ADAMTS18: variants seen among roughly 807,000 people sequenced by gnomAD.
ADAMTS18 encodes A disintegrin and metalloproteinase with thrombospondin motifs 18.
Under a neutral mutation model 165.9 loss-of-function variants are expected in ADAMTS18, and 157 were observed. The ratio of observed to expected loss-of-function variants is 0.95; its 90% CI spans 0.83 to 1.08. The LOEUF (loss-of-function observed/expected upper bound fraction) is 1.08. Ranked by LOEUF, ADAMTS18 falls within the 50% of genes least tolerant of loss-of-function variation. ADAMTS18 has a pLI of 0.00. For synonymous variants in ADAMTS18, 782 were observed against 578.2 expected (o/e 1.35, Z -5.06); for missense variants, 2,040 against 1,534.0 (o/e 1.33, Z -5.51).
Position 77,434,861 on chromosome 16 carries a change from C to A in ADAMTS18, c.-166G>T. The A allele has an allele frequency of 2.0e-6, 1 of 493,740 alleles. No individual in the cohort carries two copies. 30.6% of individuals were successfully genotyped at this position (493,740 alleles called of 1,614,324 possible). A position where few individuals can be genotyped will look rare whatever the true frequency, so the allele number is the denominator to read the frequency against. On this transcript the variant is annotated 5_prime_UTR_variant, in exon 1 of 23. In the 5' UTR this introduces an upstream ATG that the reference lacks. Transcript: ENST00000282849. ...CGGGGGCGCGCTGGGACCTCCCCTC[C>A]TCCGGCCGCCTGCGCGCCCTCCCTT...
rs776221154 is a variant in ADAMTS18, at chr16:77,300,377, T to A, written c.2560A>T (p.Ile854Leu). The A allele has an allele frequency of 1.2e-6, 2 of 1,613,948 alleles. No individual in the cohort carries two copies. Among genetic ancestry groups the A allele is most frequent in the African/African-American group, 1.3e-5 (1 of 74,898 alleles). ...EILMQGKNPG[I>L]AWKYALPKVM... ...TTGGGAAGTGCATACTTCCAAGCTA[T>A]CCCTGGATTTTTGCCTTGCATCAGA... Residue 854 changes from isoleucine to leucine, a missense_variant, in exon 17 of 23, where the codon ATA becomes TTA. Coordinates refer to ENST00000282849, the MANE Select transcript of ADAMTS18 (RefSeq NM_199355.4).
chr16:77,376,222 C>G (rs1398202662), intron 3 of ADAMTS18, among the ~76,000 whole-genome samples: 1 of 152,098 alleles, frequency 6.6e-6, no homozygotes, highest in Non-Finnish European at 1.5e-5. Flanking sequence ...TCTTACATGG[C>G]TGGAGCAGAA....
intron 3 of ADAMTS18, among the ~76,000 whole-genome samples, chr16:77,404,562 A>C (rs2057371017): frequency 6.6e-6 from 1 of 152,216 alleles, no homozygotes; most frequent in African/African-American, 2.4e-5. Flanking sequence ...AATAAGAGCA[A>C]ACATAATTTG....
At chr16:77,379,129 G>A (rs1027547895) in intron 3 of ADAMTS18, 3 of 152,234 alleles carry the variant, frequency 2.0e-5, no homozygotes, top group African/African-American at 7.2e-5. Context: ...TTTTGGTGGG[G>A]ATGGGAAAGA....
At chr16:77,326,304 C>A (rs1341254492) in intron 12 of ADAMTS18, among the ~76,000 whole-genome samples, 1 of 152,182 alleles carries the variant, frequency 6.6e-6, no homozygotes, top group Non-Finnish European at 1.5e-5. Context: ...CATGCTAAAT[C>A]AAATTTATTT....
In ADAMTS18 at chr16:77,291,403, T is replaced by G. The variant is rs376810412; in HGVS notation, c.3265A>C (p.Ile1089Leu). Residue 1089 changes from isoleucine to leucine, a missense_variant, in exon 21 of 23, where the codon ATA becomes CTA. Physicochemically the swap from Ile to Leu is conservative, Grantham distance 5. Transcript: ENST00000282849. ...CSEKGFQGKL[I>L]TFPERRCRNI... ...CGGCATCTTCGCTCTGGGAAAGTTA[T>G]CAGCTTTCCCTGGAAGCCCTTCTCG... is the stretch of plus-strand genomic sequence containing the variant. 2.8e-5 allele frequency: 46 copies of G among 1,614,086 alleles called. No individual in the cohort carries two copies. In the Admixed American group the frequency reaches 5.2e-4, roughly 18 times the overall value.
At chr16:77,395,300 A>C (rs972825986) in intron 3 of ADAMTS18, among the ~76,000 whole-genome samples, 2 of 152,144 alleles carry the variant, frequency 1.3e-5, no homozygotes, top group South Asian at 4.1e-4. Flanking sequence ...GGTCCTTAGG[A>C]CTGGCCTCTG....
intron 16 of ADAMTS18, among the ~76,000 whole-genome samples, chr16:77,308,412 G>C (rs758258997): frequency 1.3e-5 from 2 of 151,932 alleles, no homozygotes; most frequent in Non-Finnish European, 2.9e-5. Context: ...ATTCATTGTT[G>C]TGTGTGTGTA....
At chr16:77,319,456 T>G (rs1041662192) in intron 16 of ADAMTS18, among the ~76,000 whole-genome samples, 2 of 152,206 alleles carry the variant, frequency 1.3e-5, no homozygotes, top group Non-Finnish European at 2.9e-5. Flanking sequence ...GTTGTTGTTG[T>G]TGTTTTGAAA....
chr16:77,289,160 A>G (rs977390888), intron 22 of ADAMTS18, 104 bp downstream of exon 22: 34 of 1,443,466 alleles, frequency 2.4e-5, no homozygotes, highest in Non-Finnish European at 1.9e-6. Flanking sequence ...TGAATGGCTT[A>G]CCCTAGAGTT....
rs372400136 is a variant in ADAMTS18 at position 77,431,321 on chromosome 16, C to T, written c.469G>A (p.Val157Ile). Residue 157 changes from valine to isoleucine, a missense_variant, in exon 3 of 23, where the codon GTC (valine) becomes ATC (isoleucine). By Grantham distance (29) the Val-to-Ile change is conservative (BLOSUM62 3). Coordinates refer to ENST00000282849, the MANE Select transcript of ADAMTS18 (RefSeq NM_199355.4). ...AAGCCAGCACACGTAGACACAGCGA[C>T]AGAGGAGGAGCTGTCATTTCTGATA... ...GFIRNDSSSS[V>I]AVSTCAGLSG... The T allele has an allele frequency of 1.9e-6, 3 of 1,614,012 alleles. No individual in the cohort carries two copies. The highest frequency in any genetic ancestry group is 1.3e-5 in the African/African-American group (1 of 74,906).
intron 3 of ADAMTS18, among the ~76,000 whole-genome samples, chr16:77,396,809 T>G (rs2057263537): frequency 6.6e-6 from 1 of 151,654 alleles, no homozygotes; most frequent in Non-Finnish European, 1.5e-5. Flanking sequence ...GCCTTTTTTT[T>G]TTTTTTTAAT....
At position 77,317,435 on chromosome 16, in the gene ADAMTS18, G is replaced by A. The variant is rs151127546; in HGVS notation, c.2532+2414C>T. Among the ~76,000 whole-genome samples, 1,522 of 152,216 alleles carry A rather than the reference G, an allele frequency of 1.0e-2. 10 individuals are homozygous for A. The highest frequency in any genetic ancestry group is 0.02 in the Middle Eastern group (6 of 294). ...TGCAACCTGTGCCTCCCAGGTTCAAGTGATTCTCCTGCCTCAGCCTCCCGA... is the reference window on the plus strand; with the variant it reads ...TGCAACCTGTGCCTCCCAGGTTCAAATGATTCTCCTGCCTCAGCCTCCCGA... On this transcript the variant is annotated intron_variant, in intron 16 of 22. Transcript: ENST00000282849.
chr16:77,313,830 AG>A (rs1483880003), intron 16 of ADAMTS18, among the ~76,000 whole-genome samples: 2 of 152,230 alleles, frequency 1.3e-5, no homozygotes, highest in African/African-American at 4.8e-5. Flanking sequence ...GCCCCTCAAA[AG>A]AAAAAGAAGT....
intron 16 of ADAMTS18, among the ~76,000 whole-genome samples, chr16:77,316,997 G>A (rs185286991): frequency 1.6e-3 from 247 of 152,128 alleles, no homozygotes; most frequent in African/African-American, 5.4e-3. Context: ...TGCTTCCTCC[G>A]CGTGAATTTC....
chr16:77,286,465 CAT>C (rs1313267195), intron 22 of ADAMTS18, among the ~76,000 whole-genome samples: 4 of 152,104 alleles, frequency 2.6e-5, no homozygotes, highest in South Asian at 2.1e-4. Context: ...GCACTAAAGA[CAT>C]GTGTGAAAAA....
At chr16:77,434,547 G>A (rs1009790706) in intron 1 of ADAMTS18, 42 bp from the exon 2 acceptor site, 2 of 1,534,504 alleles carry the variant, frequency 1.3e-6, no homozygotes, top group African/African-American at 1.4e-5. Context: ...GGGCGCGGCG[G>A]GGCTGGCGTC....
chr16:77,291,230 C>T (rs779148388), intron 21 of ADAMTS18, 36 bp downstream of exon 21: 2 of 1,610,608 alleles, frequency 1.2e-6, no homozygotes, highest in South Asian at 2.2e-5. Flanking sequence ...CGACATCTCA[C>T]TTGAATAGAC....
At position 77,282,925 on chromosome 16, in the gene ADAMTS18, T is replaced by TTTCC. The variant is rs4038556; in HGVS notation, c.*1030_*1031insGGAA. 8.0e-6 allele frequency: 1 copy of TTTCC among 125,476 alleles called. No individual in the cohort carries two copies. The highest frequency in any genetic ancestry group is 1.8e-5 in the Non-Finnish European group (1 of 56,650). 7.8% of individuals were successfully genotyped at this position (125,476 alleles called of 1,614,324 possible). The stretch of plus-strand genomic sequence containing the variant: ...TTCTCTCTTTTTTTTTTTTTTTTTT[T>TTTCC]TGCTGTTAGCTCAATCCTAGGGCAA... On this transcript the variant is annotated 3_prime_UTR_variant, in exon 23 of 23. Coordinates refer to ENST00000282849, the MANE Select transcript of ADAMTS18 (RefSeq NM_199355.4).
Sources: allele counts gnomAD v4.1 joint callset (sites outside exome capture counted in the v4.1 genomes callset), GRCh38; gene constraint gnomAD v4.1.1; transcripts MANE v1.5; gene names NCBI Gene and HGNC (gene_info 2026-07-23, HGNC 2026-07-21).